AK4: variants seen among roughly 807,000 people sequenced by gnomAD.
AK4 encodes the protein adenylate kinase 4, mitochondrial.
A neutral mutation model predicts 24.6 loss-of-function variants in AK4; 13 were observed. That is an observed-to-expected ratio of 0.53 (90% CI 0.34 to 0.84). The LOEUF (loss-of-function observed/expected upper bound fraction) is 0.84, where lower values mean the gene tolerates loss of function less well. AK4 is among the 40% of genes least tolerant of loss of function. AK4 has a pLI of 0.01. For missense variants in AK4, 192 were observed against 288.2 expected, an observed-to-expected ratio of 0.67 and a Z score of 2.42; for synonymous variants, 88 against 107.0, an observed-to-expected ratio of 0.82 and a Z score of 1.10.
chr1:65,186,184 G>A (rs1651094848), intron 1 of AK4, among the ~76,000 whole-genome samples: 1 of 152,068 alleles, frequency 6.6e-6, no homozygotes. Flanking sequence ...CGCCCAGGCT[G>A]TAGTGCAGTG....
Position 65,229,768 on chromosome 1 carries a change from T to C in AK4, c.*3591T>C, listed in dbSNP as rs1349437266. The C allele has an allele frequency of 1.3e-5, 2 of 152,216 alleles. No homozygotes were observed. Among genetic ancestry groups the C allele is most frequent in the African/African-American group, 2.4e-5 (1 of 41,440 alleles). The allele number at this position is 152,216 out of a possible 1,614,324, so 9.4% of individuals were successfully genotyped here. A position where few individuals can be genotyped will look rare whatever the true frequency, so the allele number is the denominator to read the frequency against. Reference sequence around the variant, plus strand: ...TATCCTTTTGGTGTCCATTGGATTGTGCCCCGAAGTGGCCTTTACCCTTGA... The same window carrying C: ...TATCCTTTTGGTGTCCATTGGATTGCGCCCCGAAGTGGCCTTTACCCTTGA... On this transcript the variant is annotated 3_prime_UTR_variant, in exon 5 of 5. Transcript: ENST00000327299.
chr1:65,204,827 CT>C (rs1293527280), intron 2 of AK4, among the ~76,000 whole-genome samples: 1 of 152,102 alleles, frequency 6.6e-6, no homozygotes, highest in East Asian at 1.9e-4. Context: ...AATGTAATTC[CT>C]CAGTTTCTTA....
chr1:65,198,943 G>C (rs1198653612), intron 2 of AK4, among the ~76,000 whole-genome samples: 1 of 151,824 alleles, frequency 6.6e-6, no homozygotes, highest in Non-Finnish European at 1.5e-5. Flanking sequence ...TGGGCATGGT[G>C]GTGCATGCCT....
intron 1 of AK4, among the ~76,000 whole-genome samples, chr1:65,177,422 TA>T (rs1478799146): frequency 6.6e-6 from 1 of 152,210 alleles, no homozygotes; most frequent in African/African-American, 2.4e-5. Flanking sequence ...AGGACACTTT[TA>T]GGGTAAAATT....
rs567387341 is a variant in AK4, at chr1:65,150,449, TA to T, written c.145+1907del. ...CAAGCAGCTTTTTGCATGAGCCAAT[TA>T]AAAAAAAAACTTTATCAAAGAAAGA... On this transcript the variant is annotated intron_variant, in intron 1 of 4. Coordinates refer to ENST00000327299, the MANE Select transcript of AK4 (RefSeq NM_013410.4). Among the ~76,000 whole-genome samples, 1,279 of 149,266 alleles carry T rather than the reference TA, an allele frequency of 8.6e-3. 7 individuals carry two copies. The highest frequency in any genetic ancestry group is 0.024 in the Middle Eastern group (7 of 290).
intron 2 of AK4, among the ~76,000 whole-genome samples, chr1:65,215,144 T>C (rs866362855): frequency 6.7e-5 from 10 of 149,978 alleles, no homozygotes; most frequent in African/African-American, 1.3e-4. Context: ...TCATTGATTT[T>C]TTTTCTTTTC....
intron 2 of AK4, among the ~76,000 whole-genome samples, chr1:65,216,142 T>C (rs1214218155): frequency 3.2e-5 from 4 of 125,046 alleles, no homozygotes; most frequent in Non-Finnish European, 6.4e-5. Flanking sequence ...ATTGCAGTGC[T>C]TTTTTTTTTT....
chr1:65,166,797 A>G (rs988165269), intron 1 of AK4, among the ~76,000 whole-genome samples: 5 of 152,304 alleles, frequency 3.3e-5, no homozygotes, highest in African/African-American at 1.2e-4. Context: ...TTGGGATTAC[A>G]GATGTGAGCC....
intron 1 of AK4, among the ~76,000 whole-genome samples, chr1:65,161,503 C>T (rs746528038): frequency 2.0e-5 from 3 of 152,150 alleles, no homozygotes; most frequent in Non-Finnish European, 4.4e-5. Context: ...ATGCCTTTCA[C>T]ACTTCTTTAA....
intron 1 of AK4, among the ~76,000 whole-genome samples, chr1:65,155,342 G>A (rs998400370): frequency 6.6e-6 from 1 of 151,994 alleles, no homozygotes; most frequent in Non-Finnish European, 1.5e-5. Flanking sequence ...GCTTGGTGGC[G>A]TGTGCCTATA....
At chr1:65,216,056 A>G (rs1490566889) in intron 2 of AK4, among the ~76,000 whole-genome samples, 1 of 152,194 alleles carries the variant, frequency 6.6e-6, no homozygotes, top group African/African-American at 2.4e-5. Flanking sequence ...ATCAGTGAGA[A>G]GGTTGAATTT....
At chr1:65,179,224 A>C (rs1005805213) in intron 1 of AK4, among the ~76,000 whole-genome samples, 1 of 152,226 alleles carries the variant, frequency 6.6e-6, no homozygotes, top group Admixed American at 6.5e-5. Flanking sequence ...TACAGTCAGC[A>C]GCTCGGTTCT....
chr1:65,152,383 TA>T (rs1265198357), intron 1 of AK4, among the ~76,000 whole-genome samples: 52 of 54,936 alleles, frequency 9.5e-4, no homozygotes, highest in African/African-American at 1.6e-3. Flanking sequence ...TATATATATA[TA>T]TTTTTTTTTT....
chr1:65,212,448 C>T (rs1160842785), intron 2 of AK4, among the ~76,000 whole-genome samples: 1 of 152,032 alleles, frequency 6.6e-6, no homozygotes, highest in African/African-American at 2.4e-5. Context: ...CCACTGTGCT[C>T]AGCCTAGGAT....
chr1:65,181,225 C>T (rs962649399), intron 1 of AK4, among the ~76,000 whole-genome samples: 1 of 151,230 alleles, frequency 6.6e-6, no homozygotes, highest in Non-Finnish European at 1.5e-5. Context: ...TTATCAGTAC[C>T]CCATAGCTCC....
intron 1 of AK4, among the ~76,000 whole-genome samples, chr1:65,164,826 G>T (rs1650279024): frequency 6.6e-6 from 1 of 152,170 alleles, no homozygotes; most frequent in African/African-American, 2.4e-5. Context: ...CTAATCCACA[G>T]TGTAGCCATT....
Position 65,154,534 on chromosome 1 carries a change from C to T in AK4, c.145+5982C>T, listed in dbSNP as rs78006246. The T allele has an allele frequency of 1.5e-3, 772 of 526,216 alleles. 5 individuals carry two copies. Among genetic ancestry groups the T allele is most frequent in the African/African-American group, 0.013 (701 of 52,134 alleles). The allele number at this position is 526,216 out of a possible 1,614,324, so 32.6% of individuals were successfully genotyped here. A position where few individuals can be genotyped will look rare whatever the true frequency, so the allele number is the denominator to read the frequency against. On this transcript the variant is annotated intron_variant, in intron 1 of 4. Transcript: ENST00000327299. ...CTGCTGAAAATTCAGCCAGGGTTCTCGCTCTTGTCGCGTCTGTTCAAACCG... is the reference window on the plus strand; with the variant it reads ...CTGCTGAAAATTCAGCCAGGGTTCTTGCTCTTGTCGCGTCTGTTCAAACCG...
At chr1:65,160,935 T>C (rs1437420578) in intron 1 of AK4, among the ~76,000 whole-genome samples, 1 of 152,064 alleles carries the variant, frequency 6.6e-6, no homozygotes, top group Non-Finnish European at 1.5e-5. Context: ...CACCTCTTAA[T>C]ACTATCACAT....
Position 65,183,650 on chromosome 1 carries a change from CGTGTGTGTGTGT to C in AK4, c.146-7027_146-7016del, listed in dbSNP as rs56067788. Reference sequence around the variant, plus strand: ...ATGGATTTTGTGCTATATAAATATCCGTGTGTGTGTGTGTGTGTGTGTGTGTGTGTGTGTGTG... The same window carrying C: ...ATGGATTTTGTGCTATATAAATATCCGTGTGTGTGTGTGTGTGTGTGTGTG... On this transcript the variant is annotated intron_variant, in intron 1 of 4. Transcript: ENST00000327299. Among the ~76,000 whole-genome samples the C allele has an allele frequency of 5.9e-3, 836 of 140,810 alleles. 6 individuals carry two copies. Among genetic ancestry groups the C allele is most frequent in the African/African-American group, 0.019 (735 of 38,364 alleles). 92.4% of individuals were successfully genotyped at this position (140,810 alleles called of 152,430 possible).
Sources: gnomAD v4.1 joint callset for allele counts (sites outside exome capture counted in the v4.1 genomes callset) on GRCh38, gnomAD v4.1.1 for gene constraint, MANE v1.5 for transcripts, NCBI Gene and HGNC (gene_info 2026-07-23, HGNC 2026-07-21) for gene names.